The following TFCP2L1 variants were observed in gnomAD, a reference collection of about 807,000 sequenced individuals.
TFCP2L1 encodes the protein transcription factor CP2-like protein 1.
A neutral mutation model predicts 72.2 loss-of-function variants in TFCP2L1; 12 were observed. That is an observed-to-expected ratio of 0.17 (90% confidence interval 0.11 to 0.27). The LOEUF (loss-of-function observed/expected upper bound fraction) is 0.27, where lower values mean the gene tolerates loss of function less well. TFCP2L1 is among the 10% of genes least tolerant of loss of function. TFCP2L1 has a pLI of 1.00. For synonymous variants in TFCP2L1, 260 were observed against 251.0 expected, an observed-to-expected ratio of 1.04 and a Z score of -0.34; for missense variants, 488 against 624.6, an observed-to-expected ratio of 0.78 and a Z score of 2.33.
chr2:121,279,888 G>A (rs1488390508), intron 2 of TFCP2L1, among the ~76,000 whole-genome samples: 2 of 152,142 alleles, frequency 1.3e-5, no homozygotes, highest in Non-Finnish European at 2.9e-5. Flanking sequence ...TGGATGCCTG[G>A]GTGGGTGGCC....
At chr2:121,225,393 A>G (rs931616680) in intron 14 of TFCP2L1, among the ~76,000 whole-genome samples, 169 bp downstream of exon 14, 3 of 152,172 alleles carry the variant, frequency 2.0e-5, no homozygotes, top group South Asian at 2.1e-4. Context: ...CTGGGGGCCA[A>G]TCTCACTAGT....
At chr2:121,227,074 T>A (rs566473157) in intron 13 of TFCP2L1, among the ~76,000 whole-genome samples, 10 of 152,328 alleles carry the variant, frequency 6.6e-5, no homozygotes, top group African/African-American at 2.4e-4. Context: ...TCAACATGCA[T>A]GACCTTCCAA....
chr2:121,227,801 C>T (rs1377488351), intron 13 of TFCP2L1, among the ~76,000 whole-genome samples: 1 of 151,766 alleles, frequency 6.6e-6, no homozygotes, highest in Admixed American at 6.6e-5. Context: ...AAATGCCATC[C>T]ACATTTTATG....
At chr2:121,238,710 G>C (rs1686301282) in intron 8 of TFCP2L1, among the ~76,000 whole-genome samples, 1 of 151,918 alleles carries the variant, frequency 6.6e-6, no homozygotes, top group African/African-American at 2.4e-5. Context: ...TTTTGTAGTA[G>C]AGAAACTGAG....
At chr2:121,251,067 C>T (rs1295425275) in intron 2 of TFCP2L1, among the ~76,000 whole-genome samples, 1 of 151,774 alleles carries the variant, frequency 6.6e-6, no homozygotes, top group African/African-American at 2.4e-5. Flanking sequence ...CGAGACCAGC[C>T]TGACCAGTAT....
rs57281204 is a variant in TFCP2L1 at position 121,258,058 on chromosome 2, CA to C, written c.215-8412del. 6.9e-3 allele frequency among the ~76,000 whole-genome samples: 1,046 copies of C among 152,248 alleles called. 14 individuals carry two copies. Among genetic ancestry groups the C allele is most frequent in the African/African-American group, 0.024 (987 of 41,522 alleles). On this transcript the variant is annotated intron_variant, in intron 2 of 14. Coordinates refer to ENST00000263707, the MANE Select transcript of TFCP2L1 (RefSeq NM_014553.3). ...GTGTTAAATTCTTTACAGCAAATAA[CA>C]GAGCTGGAACTTGTCAGCCAAACCC...
rs113875791 is a variant in TFCP2L1, at chr2:121,225,719, A to C, written c.1342-106T>G. The C allele has an allele frequency of 4.0e-3, 4,728 of 1,194,196 alleles. 160 individuals carry two copies. The African/African-American group carries it at 0.054, about 14-fold the overall frequency. The allele number at this position is 1,194,196 out of a possible 1,614,324, so 74.0% of individuals were successfully genotyped here. ...CGCAGCTGCAGAAACACCACTGCCA[A>C]GCCACTGCCACGGTGCCCACACACA... On this transcript the variant is annotated intron_variant, in intron 13 of 14. Coordinates refer to ENST00000263707, the MANE Select transcript of TFCP2L1 (RefSeq NM_014553.3).
intron 7 of TFCP2L1, 24 bp from the exon 8 acceptor site, chr2:121,239,673 G>A (rs1415068101): frequency 6.2e-7 from 1 of 1,608,404 alleles, no homozygotes; most frequent in Non-Finnish European, 8.5e-7. Flanking sequence ...CACAGGGCGA[G>A]CTGGGATCTG....
At chr2:121,239,771 C>T in intron 7 of TFCP2L1, 122 bp from the exon 8 acceptor site, 1 of 992,908 alleles carries the variant, frequency 1.0e-6, no homozygotes, top group South Asian at 1.7e-5. Context: ...GAAACGCAGC[C>T]TGCGTTTACC....
intron 2 of TFCP2L1, among the ~76,000 whole-genome samples, chr2:121,277,516 T>C (rs984518318): frequency 1.3e-5 from 2 of 152,218 alleles, no homozygotes; most frequent in African/African-American, 2.4e-5. Context: ...GTTCAAATCC[T>C]TTGATCCAGA....
chr2:121,253,636 G>T (rs1320316345), intron 2 of TFCP2L1, among the ~76,000 whole-genome samples: 1 of 152,134 alleles, frequency 6.6e-6, no homozygotes, highest in Non-Finnish European at 1.5e-5. Context: ...CTCAGCTCAC[G>T]CCAAACAGCA....
chr2:121,232,107 T>TTTTTG (rs3835787), intron 12 of TFCP2L1, 139 bp from the exon 13 acceptor site: 56,338 of 532,864 alleles, frequency 0.11, 3,951 homozygotes, highest in South Asian at 0.18. Flanking sequence ...ACTGCCACTC[T>TTTTTG]TTTTGTTTTG....
At chr2:121,263,108 T>A (rs892244393) in intron 2 of TFCP2L1, among the ~76,000 whole-genome samples, 4 of 152,136 alleles carry the variant, frequency 2.6e-5, no homozygotes, top group African/African-American at 9.7e-5. Context: ...GCTAATTTTG[T>A]ATTTTTAGTA....
intron 2 of TFCP2L1, among the ~76,000 whole-genome samples, chr2:121,259,491 TAA>T (rs1686791411): frequency 6.6e-6 from 1 of 152,224 alleles, no homozygotes; most frequent in Non-Finnish European, 1.5e-5. Context: ...GCAAAACATT[TAA>T]AAACTGGTGA....
intron 7 of TFCP2L1, among the ~76,000 whole-genome samples, chr2:121,241,363 G>T (rs995371373): frequency 1.3e-5 from 2 of 152,160 alleles, no homozygotes; most frequent in African/African-American, 4.8e-5. Context: ...GGGCATGATG[G>T]CACATGCCTG....
chr2:121,274,137 C>T (rs1367042302), intron 2 of TFCP2L1, among the ~76,000 whole-genome samples: 2 of 151,706 alleles, frequency 1.3e-5, no homozygotes, highest in Non-Finnish European at 2.9e-5. Context: ...GTATCAATGC[C>T]TTTGGTCATA....
intron 2 of TFCP2L1, among the ~76,000 whole-genome samples, chr2:121,277,406 C>T (rs1687169611): frequency 6.6e-6 from 1 of 152,084 alleles, no homozygotes; most frequent in African/African-American, 2.4e-5. Flanking sequence ...AAACAATAAC[C>T]AATATTGGAA....
chr2:121,244,515 G>T (rs1207136739), intron 6 of TFCP2L1, among the ~76,000 whole-genome samples: 1 of 152,186 alleles, frequency 6.6e-6, no homozygotes, highest in Non-Finnish European at 1.5e-5. Context: ...TGCAGGAGAT[G>T]CCAAGGCCTT....
chr2:121,256,190 A>G (rs1040322477), intron 2 of TFCP2L1, among the ~76,000 whole-genome samples: 2 of 152,202 alleles, frequency 1.3e-5, no homozygotes, highest in Non-Finnish European at 2.9e-5. Context: ...ATGTGTAACC[A>G]TGCCGTGGCA....
Sources: gnomAD v4.1 joint callset for allele counts (sites outside exome capture counted in the v4.1 genomes callset) on GRCh38, gnomAD v4.1.1 for gene constraint, MANE v1.5 for transcripts, NCBI Gene and HGNC (gene_info 2026-07-23, HGNC 2026-07-21) for gene names.